The following CDH11 variants were observed in gnomAD, a reference collection of about 807,000 sequenced individuals.
CDH11 encodes the protein cadherin-11.
A neutral mutation model predicts 67.8 loss-of-function variants in CDH11; 11 were observed. That is an observed-to-expected ratio of 0.16 (90% CI 0.10 to 0.27). The LOEUF (loss-of-function observed/expected upper bound fraction) is 0.27, where lower values mean the gene tolerates loss of function less well. Among genes scored for constraint, CDH11 ranks in the 10% least tolerant of loss-of-function variants. CDH11 has a pLI of 1.00. For synonymous variants in CDH11, 419 were observed against 400.0 expected, an observed-to-expected ratio of 1.05 and a Z score of -0.57; for missense variants, 847 against 1,031.2, an observed-to-expected ratio of 0.82 and a Z score of 2.45.
At chr16:65,084,379 C>T (rs1045123697) in intron 1 of CDH11, among the ~76,000 whole-genome samples, 1 of 151,820 alleles carries the variant, frequency 6.6e-6, no homozygotes, top group Non-Finnish European at 1.5e-5. Flanking sequence ...CTGCTTGAGC[C>T]CAGGAGGTGG....
At chr16:64,991,541 T>C in intron 6 of CDH11, 1 of 484,230 alleles carries the variant, frequency 2.1e-6, no homozygotes, top group South Asian at 3.8e-5. Context: ...GTTTCCAGGG[T>C]TGTAGAACTT....
At chr16:65,017,070 A>G (rs1273575989) in intron 2 of CDH11, among the ~76,000 whole-genome samples, 1 of 152,154 alleles carries the variant, frequency 6.6e-6, no homozygotes, top group African/African-American at 2.4e-5. Context: ...TTTCATTGCC[A>G]TCTTGGTTTT....
intron 1 of CDH11, among the ~76,000 whole-genome samples, chr16:65,080,237 C>T (rs1391969082): frequency 1.3e-4 from 20 of 151,206 alleles, no homozygotes; most frequent in Admixed American, 1.3e-3. Context: ...ACCCCTACTA[C>T]TGGGCTACTC....
At chr16:64,980,513 A>AT (rs1221104748) in intron 8 of CDH11, among the ~76,000 whole-genome samples, 2 of 152,284 alleles carry the variant, frequency 1.3e-5, no homozygotes, top group East Asian at 3.9e-4. Context: ...GATGGAGAAA[A>AT]TGAGTCCAAT....
At chr16:64,965,740 G>A (rs1220742772) in intron 11 of CDH11, among the ~76,000 whole-genome samples, 1 of 150,946 alleles carries the variant, frequency 6.6e-6, no homozygotes, top group Non-Finnish European at 1.5e-5. Context: ...GTGGTCTGCT[G>A]CTGTCCAAGA....
chr16:65,122,239 C>G (rs374939568), upstream of CDH11: 23 of 470,968 alleles, frequency 4.9e-5, 1 homozygote, highest in African/African-American at 4.6e-4. Context: ...CTCGCAGAGG[C>G]TGCGGGGGCC....
At chr16:65,019,709 T>C (rs1275945233) in intron 2 of CDH11, among the ~76,000 whole-genome samples, 1 of 152,138 alleles carries the variant, frequency 6.6e-6, no homozygotes, top group East Asian at 1.9e-4. Flanking sequence ...AGATTTTGTA[T>C]CAGTGTGCTT....
At chr16:65,062,827 C>T (rs957510771) in intron 1 of CDH11, among the ~76,000 whole-genome samples, 6 of 152,178 alleles carry the variant, frequency 3.9e-5, no homozygotes, top group Admixed American at 6.5e-5. Flanking sequence ...AGTGGTCTCA[C>T]CTATTTACAA....
At chr16:64,969,609 G>A (rs1567497184) in intron 11 of CDH11, among the ~76,000 whole-genome samples, 1 of 152,158 alleles carries the variant, frequency 6.6e-6, no homozygotes, top group Non-Finnish European at 1.5e-5. Context: ...AGCCTAAGCT[G>A]AAAAAATATA....
intron 1 of CDH11, among the ~76,000 whole-genome samples, chr16:65,098,520 G>GTGTGTGTGTGTGTGTGTGCGTGTGTTT (rs2074937118): frequency 6.6e-6 from 1 of 151,542 alleles, no homozygotes; most frequent in East Asian, 1.9e-4. Context: ...CTTCAAGTGT[G>GTGTGTGTGTGTGTGTGTGCGTGTGTTT]TGTGTGTGTG....
intron 1 of CDH11, among the ~76,000 whole-genome samples, chr16:65,096,885 C>T (rs2074907739): frequency 6.6e-6 from 1 of 152,128 alleles, no homozygotes; most frequent in South Asian, 2.1e-4. Context: ...CCTTGAATGA[C>T]AGTTGTATTC....
chr16:65,023,133 A>G (rs890615166), intron 2 of CDH11, among the ~76,000 whole-genome samples: 1 of 152,224 alleles, frequency 6.6e-6, no homozygotes, highest in Non-Finnish European at 1.5e-5. Flanking sequence ...GGACTTGGCC[A>G]GCCAGGTGTG....
chr16:64,989,868 T>C lies in CDH11; in HGVS notation c.812-1524A>G, dbSNP rs1266511341. 2.0e-5 allele frequency among the ~76,000 whole-genome samples: 3 copies of C among 152,352 alleles called. No homozygotes were observed. In the South Asian group the frequency reaches 6.2e-4, roughly 32 times the overall value. On this transcript the variant is annotated intron_variant, in intron 6 of 12. Transcript: ENST00000268603. ...GTCTTGGGCAAGTTACTTCAGCTCATTATGTTTTAATTTCCCCTTACAGAG... is the reference window on the plus strand; with the variant it reads ...GTCTTGGGCAAGTTACTTCAGCTCACTATGTTTTAATTTCCCCTTACAGAG...
At chr16:65,030,308 A>T (rs2073618072) in intron 2 of CDH11, among the ~76,000 whole-genome samples, 1 of 152,212 alleles carries the variant, frequency 6.6e-6, no homozygotes, top group Admixed American at 6.5e-5. Flanking sequence ...TATTAAAACA[A>T]TTATTTGCTG....
chr16:65,055,700 C>G (rs563845391), intron 1 of CDH11, among the ~76,000 whole-genome samples: 2 of 152,138 alleles, frequency 1.3e-5, no homozygotes, highest in Non-Finnish European at 2.9e-5. Flanking sequence ...AGAATTTATG[C>G]TGAAACAAGT....
At chr16:64,953,076 T>C (rs2071405318) in intron 11 of CDH11, among the ~76,000 whole-genome samples, 1 of 152,100 alleles carries the variant, frequency 6.6e-6, no homozygotes, top group Non-Finnish European at 1.5e-5. Flanking sequence ...GTAACAGCCA[T>C]GTAAATAGTT....
intron 3 of CDH11, among the ~76,000 whole-genome samples, chr16:64,999,278 A>G (rs1255256549): frequency 6.6e-6 from 1 of 152,194 alleles, no homozygotes; most frequent in Non-Finnish European, 1.5e-5. Context: ...TCCTCTGTTC[A>G]GAGACAATCA....
At chr16:65,008,615 C>T (rs1031473207) in intron 2 of CDH11, among the ~76,000 whole-genome samples, 1 of 152,128 alleles carries the variant, frequency 6.6e-6, no homozygotes, top group Non-Finnish European at 1.5e-5. Context: ...GTTCCAGACA[C>T]ATTAAACAAC....
intron 1 of CDH11, among the ~76,000 whole-genome samples, chr16:65,098,104 C>T (rs2074930201): frequency 6.6e-6 from 1 of 152,120 alleles, no homozygotes; most frequent in Non-Finnish European, 1.5e-5. Flanking sequence ...AATAGATCAA[C>T]TGTGGAAGAG....
Sources: gnomAD v4.1 joint callset for allele counts (sites outside exome capture counted in the v4.1 genomes callset) on GRCh38, gnomAD v4.1.1 for gene constraint, MANE v1.5 for transcripts, NCBI Gene and HGNC (gene_info 2026-07-23, HGNC 2026-07-21) for gene names.